RELN: variants seen among roughly 807,000 people sequenced by gnomAD.
RELN encodes the protein reelin.
In RELN, 108 loss-of-function variants were observed where a neutral mutation model predicts 427.6. That is an observed-to-expected ratio of 0.25 (90% CI 0.22 to 0.30). RELN has a LOEUF of 0.30. RELN is among the 10% of genes least tolerant of loss of function. The probability of loss-of-function intolerance (pLI) is 1.00; values close to 1 mark genes in which losing one functional copy is unlikely to be tolerated. For synonymous variants in RELN, 1,524 were observed against 1,513.4 expected (o/e 1.01, Z -0.16); for missense variants, 3,715 against 4,302.8 (o/e 0.86, Z 3.82).
intron 50 of RELN, among the ~76,000 whole-genome samples, chr7:103,514,705 C>A (rs903318419): frequency 1.3e-5 from 2 of 152,046 alleles, no homozygotes; most frequent in Admixed American, 6.6e-5. Flanking sequence ...TCACCAATAT[C>A]ATTGAATACC....
intron 52 of RELN, among the ~76,000 whole-genome samples, chr7:103,502,156 G>A (rs891552658): frequency 5.3e-5 from 8 of 152,182 alleles, no homozygotes; most frequent in Admixed American, 3.9e-4. Context: ...TTTCGAGCTG[G>A]TTTGAATTGG....
intron 2 of RELN, among the ~76,000 whole-genome samples, chr7:103,915,220 T>G (rs949266569): frequency 6.6e-6 from 1 of 152,068 alleles, no homozygotes; most frequent in African/African-American, 2.4e-5. Context: ...GTTAATAATC[T>G]CTACTCCTTC....
chr7:103,922,692 T>TC (rs1195005048), intron 1 of RELN, among the ~76,000 whole-genome samples: 4 of 152,080 alleles, frequency 2.6e-5, no homozygotes, highest in African/African-American at 9.7e-5. Flanking sequence ...TATTAAACAT[T>TC]CCCCACGAGA....
At chr7:103,945,680 T>C (rs1330135318) in intron 1 of RELN, among the ~76,000 whole-genome samples, 1 of 152,196 alleles carries the variant, frequency 6.6e-6, no homozygotes, top group African/African-American at 2.4e-5. Context: ...TGTAATTAAA[T>C]AATTATTTGA....
At chr7:103,495,025 A>G (rs1278201811) in intron 57 of RELN, among the ~76,000 whole-genome samples, 1 of 152,174 alleles carries the variant, frequency 6.6e-6, no homozygotes, top group African/African-American at 2.4e-5. Flanking sequence ...GAGTAGAGAT[A>G]GAAGTAGGCA....
Position 103,838,657 on chromosome 7 carries a change from C to T in RELN, c.338-4985G>A, listed in dbSNP as rs80141297. 5.5e-3 allele frequency among the ~76,000 whole-genome samples: 833 copies of T among 152,176 alleles called. 7 individuals are homozygous for T. The highest frequency in any genetic ancestry group is 0.019 in the African/African-American group (800 of 41,514). On this transcript the variant is annotated intron_variant, in intron 2 of 64. Transcript: ENST00000428762. ...AAAATGACAAGTCTGCAGGAGTCTG[C>T]CTGGCCAAAAAGGAAAACAAAGTCC...
intron 19 of RELN, among the ~76,000 whole-genome samples, chr7:103,633,450 G>A (rs2117342953): frequency 6.6e-6 from 1 of 151,400 alleles, no homozygotes; most frequent in East Asian, 1.9e-4. Context: ...GGGGGCGGGA[G>A]GAAGAATCTC....
chr7:103,615,268 C>T (rs1035805660), intron 20 of RELN, among the ~76,000 whole-genome samples: 1 of 152,188 alleles, frequency 6.6e-6, no homozygotes. Flanking sequence ...ATTCCCACCT[C>T]CAAGAAGGCT....
intron 13 of RELN, among the ~76,000 whole-genome samples, chr7:103,653,755 T>C (rs1314089163): frequency 1.3e-5 from 2 of 152,004 alleles, no homozygotes; most frequent in African/African-American, 2.4e-5. Flanking sequence ...GCTGGACAAA[T>C]ACTCATTATG....
rs759328616 is a variant in RELN, at chr7:103,698,074, T to G, written c.922A>C (p.Thr308Pro). 3 of 1,613,764 alleles carry G rather than the reference T, an allele frequency of 1.9e-6. No homozygotes were observed. The highest frequency in any genetic ancestry group is 1.1e-5 in the South Asian group (1 of 91,080). ...EKIRAPSNVSTIIHILYLPED... is the reference protein window; with the variant it reads ...EKIRAPSNVSPIIHILYLPED... ...GGAAGGTAGAGGATATGGATGATTG[T>G]GCTGACATTGGAAGGGGCTCTGGAA... Residue 308 changes from threonine (T) to proline (P), a missense_variant, in exon 10 of 65, where the codon ACA (threonine) becomes CCA (proline). Thr to Pro is a conservative substitution (Grantham distance 38). Around this residue, in one of 4 missense-constraint regions of RELN, gnomAD observed 2,208 missense variants for 2,361.7 expected, o/e 0.93. Transcript: ENST00000428762.
chr7:103,870,059 T>C (rs1289215298), intron 2 of RELN, among the ~76,000 whole-genome samples: 1 of 152,134 alleles, frequency 6.6e-6, no homozygotes, highest in Non-Finnish European at 1.5e-5. Flanking sequence ...TTTTGCACTT[T>C]GCAGGTCTAG....
intron 12 of RELN, among the ~76,000 whole-genome samples, chr7:103,657,871 A>G (rs67811550): frequency 0.14 from 21,082 of 152,190 alleles, 1,565 homozygotes; most frequent in Middle Eastern, 0.29. Context: ...GAAGATTTCA[A>G]TAAAAACAAA....
intron 16 of RELN, among the ~76,000 whole-genome samples, 196 bp downstream of exon 16, chr7:103,650,078 C>G (rs1832880888): frequency 8.7e-6 from 1 of 114,876 alleles, no homozygotes; most frequent in Non-Finnish European, 1.8e-5. Flanking sequence ...CTGCTGACTT[C>G]ACTGGCTTTT....
chr7:103,695,578 T>C (rs575559287), intron 10 of RELN, among the ~76,000 whole-genome samples: 53 of 152,182 alleles, frequency 3.5e-4, no homozygotes, highest in African/African-American at 1.1e-3. Flanking sequence ...ACAAAGTACA[T>C]GCAATGAGAA....
At chr7:103,984,217 A>G (rs1211882069) in intron 1 of RELN, among the ~76,000 whole-genome samples, 1 of 152,110 alleles carries the variant, frequency 6.6e-6, no homozygotes, top group East Asian at 1.9e-4. Flanking sequence ...CTAATCCATA[A>G]AAATTTGAAA....
At chr7:103,848,189 T>C (rs990838599) in intron 2 of RELN, among the ~76,000 whole-genome samples, 24 of 152,184 alleles carry the variant, frequency 1.6e-4, no homozygotes, top group African/African-American at 5.5e-4. Context: ...GGTTTCATGC[T>C]CAGCGTGGGT....
At chr7:103,509,677 C>T (rs1205758396) in intron 51 of RELN, among the ~76,000 whole-genome samples, 1 of 152,054 alleles carries the variant, frequency 6.6e-6, no homozygotes, top group Non-Finnish European at 1.5e-5. Context: ...AACTAAAGAG[C>T]TCCTGCACAG....
intron 6 of RELN, among the ~76,000 whole-genome samples, chr7:103,730,777 A>G (rs1435017463): frequency 6.6e-6 from 1 of 152,110 alleles, no homozygotes; most frequent in Non-Finnish European, 1.5e-5. Context: ...CTTTACTTGA[A>G]TTTCTCACAG....
intron 3 of RELN, among the ~76,000 whole-genome samples, chr7:103,797,075 CATTTT>C (rs1271934515): frequency 6.6e-6 from 1 of 151,872 alleles, no homozygotes; most frequent in Non-Finnish European, 1.5e-5. Context: ...ATTTGGGAGT[CATTTT>C]ATTTTATTTA....
Sources: gnomAD v4.1 joint callset for allele counts (sites outside exome capture counted in the v4.1 genomes callset) on GRCh38, gnomAD v4.1.1 for gene constraint, gnomAD v4.1.1 regional missense constraint, MANE v1.5 for transcripts, NCBI Gene and HGNC (gene_info 2026-07-23, HGNC 2026-07-21) for gene names.